The following TRHDE variants were observed in gnomAD, a reference collection of about 807,000 sequenced individuals.
The protein encoded by TRHDE is thyrotropin releasing hormone degrading enzyme, also known as thyrotropin-releasing hormone-degrading ectoenzyme.
Under a neutral mutation model 125.7 loss-of-function variants are expected in TRHDE, and 72 were observed. That is an observed-to-expected ratio of 0.57 (90% CI 0.47 to 0.70). The LOEUF is 0.70. Ranked by LOEUF, TRHDE falls within the 30% of genes least tolerant of loss-of-function variation. The pLI is 0.00. For missense variants in TRHDE, 1,110 were observed against 1,327.1 expected (o/e 0.84, Z 2.54); for synonymous variants, 509 against 509.1 (o/e 1.00, Z 0.00).
chr12:72,513,507 A>G (rs2135951335), intron 6 of TRHDE, among the ~76,000 whole-genome samples: 1 of 152,262 alleles, frequency 6.6e-6, no homozygotes, highest in African/African-American at 2.4e-5. Context: ...AATTATCTAG[A>G]GACTACATGT....
Position 72,667,570 on chromosome 12 carries a change from TAATG to T in TRHDE, c.*4378_*4381del. 1 of 151,624 alleles carries T rather than the reference TAATG, an allele frequency of 6.6e-6. No homozygotes were observed. The highest frequency in any genetic ancestry group is 6.6e-5 in the Admixed American group (1 of 15,188). The allele number at this position is 151,624 out of a possible 1,614,324, so 9.4% of individuals were successfully genotyped here. A position where few individuals can be genotyped will look rare whatever the true frequency, so the allele number is the denominator to read the frequency against. ...ACAATAAATGAAAAAGAAAAAGAAATAATGAACCAAGGGAATGAGGGCAACAGGA... is the reference window on the plus strand; with the variant it reads ...ACAATAAATGAAAAAGAAAAAGAAATAACCAAGGGAATGAGGGCAACAGGA... On this transcript the variant is annotated 3_prime_UTR_variant, in exon 19 of 19. Transcript: ENST00000261180.
At chr12:72,578,988 T>G (rs1871124183) in intron 12 of TRHDE, among the ~76,000 whole-genome samples, 2 of 151,438 alleles carry the variant, frequency 1.3e-5, no homozygotes, top group Non-Finnish European at 2.9e-5. Flanking sequence ...TTTAGTGTTT[T>G]TTTTTTTTTT....
At chr12:72,334,154 G>A (rs1207918030) in intron 2 of TRHDE, among the ~76,000 whole-genome samples, 2 of 152,152 alleles carry the variant, frequency 1.3e-5, no homozygotes, top group Non-Finnish European at 2.9e-5. Context: ...TGCTCATGGA[G>A]AGTAAAAATT....
At chr12:72,497,617 T>G (rs1317136985) in intron 5 of TRHDE, among the ~76,000 whole-genome samples, 1 of 152,144 alleles carries the variant, frequency 6.6e-6, no homozygotes, top group African/African-American at 2.4e-5. Flanking sequence ...TTGGTCAAGT[T>G]GAAGTATAAT....
At position 72,663,928 on chromosome 12, in the gene TRHDE, A is replaced by G. The variant is rs1171472979; in HGVS notation, c.*733A>G. On this transcript the variant is annotated 3_prime_UTR_variant, in exon 19 of 19. Coordinates refer to ENST00000261180, the MANE Select transcript of TRHDE (RefSeq NM_013381.3). ...ATAGTATGTTGTACACTGCACATGT[A>G]CAAAGAATGTCTTCAGATCAAAGAA... The G allele has an allele frequency of 6.6e-6, 1 of 152,182 alleles. No homozygotes were observed. The highest frequency in any genetic ancestry group is 1.9e-4 in the East Asian group (1 of 5,180). The allele number at this position is 152,182 out of a possible 1,614,324, so 9.4% of individuals were successfully genotyped here.
intron 1 of TRHDE, among the ~76,000 whole-genome samples, chr12:72,095,344 A>C (rs1874889308): frequency 1.3e-5 from 2 of 152,204 alleles, no homozygotes; most frequent in South Asian, 4.1e-4. Flanking sequence ...CATTTGAAGC[A>C]AGTGTTATAA....
intron 1 of TRHDE, among the ~76,000 whole-genome samples, chr12:72,088,240 G>A (rs529797384): frequency 1.7e-4 from 26 of 152,208 alleles, no homozygotes; most frequent in Admixed American, 1.5e-3. Flanking sequence ...GAGAAGTGAT[G>A]TGAAGATCAA....
intron 2 of TRHDE, among the ~76,000 whole-genome samples, chr12:72,293,899 G>C (rs1880185929): frequency 6.6e-6 from 1 of 152,218 alleles, no homozygotes; most frequent in Admixed American, 6.5e-5. Flanking sequence ...ACGGTGAGGG[G>C]TGTGTGAGTG....
intron 12 of TRHDE, among the ~76,000 whole-genome samples, chr12:72,615,586 T>C (rs1429671632): frequency 2.0e-5 from 3 of 152,166 alleles, no homozygotes; most frequent in Admixed American, 6.5e-5. Flanking sequence ...TGTACCTACA[T>C]ATTGTGATGT....
At chr12:72,640,517 C>G (rs1027251903) in intron 15 of TRHDE, among the ~76,000 whole-genome samples, 1 of 152,168 alleles carries the variant, frequency 6.6e-6, no homozygotes, top group African/African-American at 2.4e-5. Context: ...ATTCGGCCAT[C>G]TTCTTCACTT....
At chr12:72,376,248 T>C (rs1399627197) in intron 2 of TRHDE, among the ~76,000 whole-genome samples, 2 of 152,216 alleles carry the variant, frequency 1.3e-5, no homozygotes, top group African/African-American at 4.8e-5. Flanking sequence ...TTGCTTAGTT[T>C]ATTATCCTCC....
In TRHDE at chr12:72,131,188, C is replaced by T. The variant is rs181019342; in HGVS notation, n.279+25436C>T. Among the ~76,000 whole-genome samples, 236 of 150,684 alleles carry T rather than the reference C, an allele frequency of 1.6e-3. 1 individual carries two copies. Among genetic ancestry groups the T allele is most frequent in the African/African-American group, 5.2e-3 (212 of 41,002 alleles). On this transcript the variant is annotated intron_variant and non_coding_transcript_variant, in intron 2 of 4. Transcript: ENST00000548156. ...CCGGGTTCACGCCATTTTCCTGCCT[C>T]AGCCTCCGGAGTAGCTGGGACTACA...
intron 1 of TRHDE, among the ~76,000 whole-genome samples, chr12:72,096,873 G>T (rs779972200): frequency 6.6e-6 from 1 of 152,168 alleles, no homozygotes; most frequent in Non-Finnish European, 1.5e-5. Context: ...TTCAGGCTAG[G>T]TTGCCATTAG....
intron 3 of TRHDE, among the ~76,000 whole-genome samples, chr12:72,420,444 AG>A: frequency 6.6e-6 from 1 of 152,190 alleles, no homozygotes; most frequent in East Asian, 1.9e-4. Flanking sequence ...TAAAGGACTT[AG>A]GACCTTTCTG....
At chr12:72,103,203 G>A (rs532560283) in intron 1 of TRHDE, among the ~76,000 whole-genome samples, 54 of 152,322 alleles carry the variant, frequency 3.5e-4, no homozygotes, top group African/African-American at 1.0e-3. Flanking sequence ...GGATAAAAGT[G>A]TCTTGGTTTG....
intron 2 of TRHDE, among the ~76,000 whole-genome samples, chr12:72,252,619 CTAAGG>C (rs1168723101): frequency 1.3e-5 from 2 of 152,004 alleles, no homozygotes; most frequent in African/African-American, 4.8e-5. Context: ...CTTAGATATT[CTAAGG>C]TTTGTGCTTT....
intron 15 of TRHDE, among the ~76,000 whole-genome samples, chr12:72,631,856 A>G (rs929097914): frequency 6.6e-6 from 1 of 151,992 alleles, no homozygotes; most frequent in Non-Finnish European, 1.5e-5. Context: ...AATGGCAATA[A>G]TCAATTCTTC....
intron 5 of TRHDE, among the ~76,000 whole-genome samples, chr12:72,490,938 T>C (rs969872474): frequency 5.3e-5 from 8 of 150,154 alleles, no homozygotes; most frequent in Non-Finnish European, 1.2e-4. Flanking sequence ...AAAATTGTAC[T>C]GTGTCTGTGA....
At chr12:72,606,184 C>T (rs1236710150) in intron 12 of TRHDE, among the ~76,000 whole-genome samples, 2 of 152,176 alleles carry the variant, frequency 1.3e-5, no homozygotes, top group African/African-American at 2.4e-5. Flanking sequence ...GTGGGATTCT[C>T]ATCACTGTAC....
Sources: gnomAD v4.1 joint callset for allele counts (sites outside exome capture counted in the v4.1 genomes callset) on GRCh38, gnomAD v4.1.1 for gene constraint, MANE v1.5 for transcripts, NCBI Gene and HGNC (gene_info 2026-07-23, HGNC 2026-07-21) for gene names.